The following NCAM1 variants were observed in gnomAD, a reference collection of about 807,000 sequenced individuals.
The protein encoded by NCAM1 is antigen recognized by monoclonal antibody 5.1H11.
A neutral mutation model predicts 109.8 loss-of-function variants in NCAM1; 14 were observed. The ratio of observed to expected loss-of-function variants is 0.13; its 90% CI spans 0.08 to 0.20. The LOEUF (loss-of-function observed/expected upper bound fraction) is 0.20. NCAM1 is among the 10% of genes least tolerant of loss of function. The pLI, the probability that NCAM1 is intolerant of heterozygous loss-of-function variation, is 1.00. For missense variants in NCAM1, 774 were observed against 1,109.9 expected, an observed-to-expected ratio of 0.70 and a Z score of 4.30; for synonymous variants, 418 against 442.9, an observed-to-expected ratio of 0.94 and a Z score of 0.70.
chr11:113,240,818 T>C (rs782114664), intron 14 of NCAM1: 3 of 1,613,718 alleles, frequency 1.9e-6, no homozygotes, highest in Admixed American at 1.7e-5. Context: ...CCCTGTTCCA[T>C]TGTCTCCACC....
intron 1 of NCAM1, among the ~76,000 whole-genome samples, chr11:113,139,889 C>A (rs1300965034): frequency 6.6e-6 from 1 of 152,170 alleles, no homozygotes; most frequent in African/African-American, 2.4e-5. Context: ...AGAGGCTCAA[C>A]ATTGTTTTCT....
intron 15 of NCAM1, among the ~76,000 whole-genome samples, chr11:113,249,190 T>C (rs1433657776): frequency 6.6e-6 from 1 of 152,226 alleles, no homozygotes; most frequent in Non-Finnish European, 1.5e-5. Flanking sequence ...CACCCACTCT[T>C]CCTTCTTAGA....
intron 19 of NCAM1, chr11:113,272,956 C>T: frequency 2.2e-6 from 1 of 456,862 alleles, no homozygotes; most frequent in Non-Finnish European, 4.4e-6. Flanking sequence ...ACTACGGCCA[C>T]TGTCGAGGAC....
At chr11:113,216,956 G>C (rs1565506130) in intron 8 of NCAM1, among the ~76,000 whole-genome samples, 2 of 152,190 alleles carry the variant, frequency 1.3e-5, no homozygotes, top group Non-Finnish European at 2.9e-5. Flanking sequence ...TCCATCCGAA[G>C]TTGCTTCTAT....
At chr11:113,143,708 G>A (rs1941914577) in intron 1 of NCAM1, among the ~76,000 whole-genome samples, 2 of 152,150 alleles carry the variant, frequency 1.3e-5, no homozygotes, top group Admixed American at 1.3e-4. Context: ...AAATTGCAGG[G>A]CTGGAATCGA....
At chr11:113,263,088 G>A in intron 17 of NCAM1, 1 of 1,371,844 alleles carries the variant, frequency 7.3e-7, no homozygotes. Context: ...TTTACCTCCA[G>A]ACATGTCACC....
chr11:113,135,912 G>T (rs1485848646), intron 1 of NCAM1, among the ~76,000 whole-genome samples: 3 of 152,226 alleles, frequency 2.0e-5, no homozygotes, highest in Non-Finnish European at 4.4e-5. Context: ...TTGATAAAAT[G>T]CAAGGAATCT....
intron 1 of NCAM1, among the ~76,000 whole-genome samples, chr11:113,067,152 G>C (rs782772158): frequency 2.0e-5 from 3 of 152,086 alleles, no homozygotes; most frequent in Non-Finnish European, 4.4e-5. Context: ...CCTCCTTAGC[G>C]TAAGAGTTTG....
intron 8 of NCAM1, among the ~76,000 whole-genome samples, chr11:113,216,146 ATTTT>A (rs34687568): frequency 9.9e-6 from 1 of 101,504 alleles, no homozygotes; most frequent in Admixed American, 1.2e-4. Flanking sequence ...CTATGATTTC[ATTTT>A]TTTTTTTTTT....
intron 7 of NCAM1, 64 bp downstream of exon 7, chr11:113,208,066 C>G: frequency 6.6e-7 from 1 of 1,518,596 alleles, no homozygotes; most frequent in East Asian, 2.4e-5. Context: ...CACATTCAGT[C>G]CATCAGTAAG....
chr11:113,158,325 G>A (rs972256140), intron 1 of NCAM1, among the ~76,000 whole-genome samples: 28 of 152,104 alleles, frequency 1.8e-4, no homozygotes, highest in African/African-American at 6.5e-4. Flanking sequence ...ACCCAAGTCT[G>A]GATAACTTTG....
chr11:113,276,679 T>G lies in NCAM1; in HGVS notation c.*1292T>G, dbSNP rs1046216820. On this transcript the variant is annotated 3_prime_UTR_variant, in exon 20 of 20. Transcript: ENST00000316851. ...GAATTAGTGTCTTTTTTTGGAAATC[T>G]GTTGAAGTAAAGTAACATCGGCCTT... The G allele has an allele frequency of 2.0e-5, 3 of 152,726 alleles. No individual in the cohort carries two copies. The highest frequency in any genetic ancestry group is 7.2e-5 in the African/African-American group (3 of 41,562). The allele number at this position is 152,726 out of a possible 1,614,324, so 9.5% of individuals were successfully genotyped here. A position where few individuals can be genotyped will look rare whatever the true frequency, so the allele number is the denominator to read the frequency against.
intron 1 of NCAM1, among the ~76,000 whole-genome samples, chr11:112,967,988 A>G (rs1255324377): frequency 6.6e-6 from 1 of 152,222 alleles, no homozygotes. Flanking sequence ...GCCAAGTCCC[A>G]GTCCCCCAGA....
Position 113,207,887 on chromosome 11 carries a change from C to T in NCAM1, c.801C>T (p.Asp267=), listed in dbSNP as rs781929344. The T allele has an allele frequency of 2.4e-5, 38 of 1,611,728 alleles. No homozygotes were observed. The highest frequency in any genetic ancestry group is 1.1e-4 in the East Asian group (5 of 44,866). ...EEDDEKYIFS[D]DSSQLTIKKV... ...ACGATGAGAAGTACATCTTCAGCGA[C>T]GATAGTTCCCAGCTGACCATCAAAA... The change falls in exon 7 of 20, where the codon GAC becomes GAT. Residue 267 remains aspartate, a synonymous_variant. Coordinates refer to ENST00000316851, the MANE Select transcript of NCAM1 (RefSeq NM_181351.5).
intron 1 of NCAM1, among the ~76,000 whole-genome samples, chr11:113,039,468 C>A (rs1035771608): frequency 2.6e-5 from 4 of 152,214 alleles, no homozygotes; most frequent in Non-Finnish European, 4.4e-5. Flanking sequence ...CATTTTCACT[C>A]ATTTTCTTCA....
intron 1 of NCAM1, among the ~76,000 whole-genome samples, chr11:113,012,259 T>TCTGC (rs1952087463): frequency 6.6e-6 from 1 of 152,170 alleles, no homozygotes; most frequent in Non-Finnish European, 1.5e-5. Flanking sequence ...CCTCAAGTGA[T>TCTGC]CTGCCTGCCT....
At chr11:113,224,677 AC>A (rs544870778) in intron 9 of NCAM1, among the ~76,000 whole-genome samples, 1 of 152,012 alleles carries the variant, frequency 6.6e-6, no homozygotes, top group Non-Finnish European at 1.5e-5. Flanking sequence ...ACTGGGAGGC[AC>A]CCCCCAGTAG....
At chr11:113,234,633 CTGTT>C (rs1455777005) in intron 13 of NCAM1, among the ~76,000 whole-genome samples, 73 of 152,188 alleles carry the variant, frequency 4.8e-4, no homozygotes, top group Admixed American at 2.7e-3. Context: ...AATTTCCTTC[CTGTT>C]TAAGGTGGAA....
chr11:112,980,112 CA>C (rs1360178403), intron 1 of NCAM1, among the ~76,000 whole-genome samples: 1 of 151,934 alleles, frequency 6.6e-6, no homozygotes, highest in African/African-American at 2.4e-5. Flanking sequence ...CATTAGCCAT[CA>C]GGGGAAATGT....
Sources: allele counts gnomAD v4.1 joint callset (sites outside exome capture counted in the v4.1 genomes callset), GRCh38; gene constraint gnomAD v4.1.1; transcripts MANE v1.5; gene names NCBI Gene and HGNC (gene_info 2026-07-23, HGNC 2026-07-21).